Variants in INTS4 observed in about 807,000 individuals in gnomAD.
The protein encoded by INTS4 is MSTP093.
In INTS4, 70 loss-of-function variants were observed where a neutral mutation model predicts 119.5. The ratio of observed to expected loss-of-function variants is 0.59; its 90% CI spans 0.48 to 0.71. The LOEUF (loss-of-function observed/expected upper bound fraction) is 0.71, where lower values mean the gene tolerates loss of function less well. Among genes scored for constraint, INTS4 ranks in the 30% least tolerant of loss-of-function variants. The probability of loss-of-function intolerance (pLI) is 0.00; values close to 1 mark genes in which losing one functional copy is unlikely to be tolerated. For synonymous variants in INTS4, 316 were observed against 419.6 expected (o/e 0.75, Z 3.02); for missense variants, 867 against 1,173.2 (o/e 0.74, Z 3.81).
Position 77,958,766 on chromosome 11 carries a change from G to A in INTS4, c.777C>T (p.Val259=). ...RSAAVQLIWV[V]SQLYPESIVP... is the part of the protein sequence containing the mutation. Reference sequence around the variant, plus strand: ...CTGACCTTTCAGGATAGAGCTGACTGACGACCCAGATAAGCTGGACTGCAG... The same window carrying A: ...CTGACCTTTCAGGATAGAGCTGACTAACGACCCAGATAAGCTGGACTGCAG... The change falls in exon 7 of 23, where the codon GTC becomes GTT. Residue 259 remains valine, a synonymous_variant. Transcript: ENST00000534064. 1 of 1,610,242 alleles carries A rather than the reference G, an allele frequency of 6.2e-7. No homozygotes were observed. Among genetic ancestry groups the A allele is most frequent in the Non-Finnish European group, 8.5e-7 (1 of 1,178,350 alleles).
intron 4 of INTS4, among the ~76,000 whole-genome samples, chr11:77,962,919 G>A (rs573942339): frequency 2.6e-5 from 4 of 152,158 alleles, no homozygotes; most frequent in African/African-American, 9.6e-5. Flanking sequence ...GGAGGCTGAG[G>A]CCAGAGAATT....
chr11:77,883,728 G>A, intron 22 of INTS4, 104 bp downstream of exon 22: 1 of 1,225,778 alleles, frequency 8.2e-7, no homozygotes, highest in Non-Finnish European at 1.1e-6. Flanking sequence ...TACAAGGCCT[G>A]ATTCATCCAT....
rs770580492 is a variant in INTS4, at chr11:77,918,878, T to A, written c.1865A>T (p.Tyr622Phe). The A allele has an allele frequency of 5.6e-6, 9 of 1,613,818 alleles. No individual in the cohort carries two copies. The highest frequency in any genetic ancestry group is 6.8e-6 in the Non-Finnish European group (8 of 1,179,880). ...CTGAGGGTCCAAGTGCTGAAGACTA[T>A]ACACTCTTTCAAGGCTCTGCTGCAG... is the stretch of plus-strand genomic sequence containing the variant. ...QFLQQSLERVYSLQHLDPQGA... is the reference protein window; with the variant it reads ...QFLQQSLERVFSLQHLDPQGA... The change falls in exon 15 of 23, where the codon TAT (tyrosine) becomes TTT (phenylalanine). Residue 622 changes from tyrosine to phenylalanine, a missense_variant. Physicochemically the swap from Tyr to Phe is conservative, Grantham distance 22. Coordinates refer to ENST00000534064, the MANE Select transcript of INTS4 (RefSeq NM_033547.4).
intron 7 of INTS4, among the ~76,000 whole-genome samples, chr11:77,958,087 A>C (rs1954375750): frequency 6.6e-6 from 1 of 152,084 alleles, no homozygotes; most frequent in Non-Finnish European, 1.5e-5. Context: ...TAAGTCCTAA[A>C]ACACTACAAA....
At chr11:77,918,774 G>A (rs751966254) in intron 15 of INTS4, 47 bp downstream of exon 15, 1 of 1,600,186 alleles carries the variant, frequency 6.2e-7, no homozygotes, top group East Asian at 2.2e-5. Flanking sequence ...CAGTCAAGCT[G>A]AGTGTAACAG....
intron 10 of INTS4, among the ~76,000 whole-genome samples, chr11:77,936,393 T>C (rs561089807): frequency 6.6e-6 from 1 of 152,096 alleles, no homozygotes; most frequent in East Asian, 1.9e-4. Context: ...TTCTTTCTTC[T>C]TTTTTTTGAG....
At chr11:77,960,463 C>T in intron 5 of INTS4, 72 bp from the exon 6 acceptor site, 1 of 1,144,242 alleles carries the variant, frequency 8.7e-7, no homozygotes, top group Non-Finnish European at 1.3e-6. Context: ...CCCACAATCT[C>T]ACATATTTTC....
chr11:77,960,630 T>C (rs921394526), intron 5 of INTS4, among the ~76,000 whole-genome samples: 2 of 152,072 alleles, frequency 1.3e-5, no homozygotes, highest in African/African-American at 2.4e-5. Flanking sequence ...AATAATGATA[T>C]GAAGCCTAAA....
intron 8 of INTS4, among the ~76,000 whole-genome samples, chr11:77,948,833 A>G (rs1382798612): frequency 6.6e-6 from 1 of 151,948 alleles, no homozygotes; most frequent in East Asian, 1.9e-4. Context: ...AGATTAAAAC[A>G]CAAAATCTAA....
chr11:77,975,239 A>C (rs1855900656), intron 4 of INTS4, among the ~76,000 whole-genome samples: 1 of 152,040 alleles, frequency 6.6e-6, no homozygotes, highest in Non-Finnish European at 1.5e-5. Context: ...TTAAAACTAT[A>C]AACTTCTATA....
At chr11:77,917,957 T>C in intron 15 of INTS4, 1 of 662,156 alleles carries the variant, frequency 1.5e-6, no homozygotes. Flanking sequence ...TTCTAGTCAA[T>C]GGAATGCAAG....
chr11:77,972,519 C>T (rs1445343298), intron 4 of INTS4, among the ~76,000 whole-genome samples: 1 of 151,934 alleles, frequency 6.6e-6, no homozygotes, highest in Non-Finnish European at 1.5e-5. Context: ...CAGGTTCAAG[C>T]GATTTTCCTG....
intron 8 of INTS4, among the ~76,000 whole-genome samples, chr11:77,942,293 G>C (rs1342743145): frequency 6.6e-6 from 1 of 152,180 alleles, no homozygotes; most frequent in Non-Finnish European, 1.5e-5. Context: ...TTAAGGTACA[G>C]GCAGGGAGAG....
At chr11:77,892,956 T>C (rs1192825185) in intron 19 of INTS4, among the ~76,000 whole-genome samples, 1 of 152,190 alleles carries the variant, frequency 6.6e-6, no homozygotes, top group Non-Finnish European at 1.5e-5. Flanking sequence ...GTGAAGGTAG[T>C]GTTGCAACTC....
At chr11:77,978,920 C>G in intron 4 of INTS4, 76 bp downstream of exon 4, 1 of 860,182 alleles carries the variant, frequency 1.2e-6, no homozygotes, top group East Asian at 2.5e-5. Context: ...TAAGGCAGCT[C>G]CTAAAACCAT....
At chr11:77,964,773 G>A (rs879381087) in intron 4 of INTS4, among the ~76,000 whole-genome samples, 1 of 151,384 alleles carries the variant, frequency 6.6e-6, no homozygotes, top group Non-Finnish European at 1.5e-5. Flanking sequence ...AGGGAGGGAG[G>A]GGAGGCAAGC....
intron 15 of INTS4, chr11:77,911,255 G>A (rs1267483925): frequency 5.2e-6 from 4 of 770,582 alleles, no homozygotes; most frequent in Non-Finnish European, 6.6e-6. Flanking sequence ...TGGTCCTGGA[G>A]GGCCTACCCA....
intron 21 of INTS4, among the ~76,000 whole-genome samples, chr11:77,885,568 C>G (rs1951968982): frequency 6.6e-6 from 1 of 151,984 alleles, no homozygotes; most frequent in South Asian, 2.1e-4. Context: ...CCTGTAATCC[C>G]AGCACTTTGG....
chr11:77,903,723 A>G, intron 16 of INTS4, 103 bp from the exon 17 acceptor site: 1 of 789,006 alleles, frequency 1.3e-6, no homozygotes. Flanking sequence ...TCCCATGAAC[A>G]TGACTTCTCA....
Sources: allele counts gnomAD v4.1 joint callset (sites outside exome capture counted in the v4.1 genomes callset), GRCh38; gene constraint gnomAD v4.1.1; transcripts MANE v1.5; gene names NCBI Gene and HGNC (gene_info 2026-07-23, HGNC 2026-07-21).